Variants in LSP1 observed in about 807,000 individuals in gnomAD.
LSP1 encodes lymphocyte specific protein 1.
A neutral mutation model predicts 49.3 loss-of-function variants in LSP1; 32 were observed. The ratio of observed to expected loss-of-function variants is 0.65; its 90% CI spans 0.49 to 0.87. LSP1 has a LOEUF of 0.87. Ranked by LOEUF, LSP1 falls within the 40% of genes least tolerant of loss-of-function variation. The probability of loss-of-function intolerance (pLI) is 0.00; values close to 1 mark genes in which losing one functional copy is unlikely to be tolerated. For synonymous variants in LSP1, 179 were observed against 178.8 expected, an observed-to-expected ratio of 1.00 and a Z score of -0.01; for missense variants, 428 against 442.6, an observed-to-expected ratio of 0.97 and a Z score of 0.30.
rs201512623 is a variant in LSP1 at position 1,880,232 on chromosome 11, G to A, written c.191+8G>A. The A allele has an allele frequency of 6.3e-7, 1 of 1,582,134 alleles. No homozygotes were observed. Reference sequence around the variant, plus strand: ...GCCGAAGCAGGAGATGCTGTGAGCAGCCCCATAACGCGTGCCTGGGCTCTA... The same window carrying A: ...GCCGAAGCAGGAGATGCTGTGAGCAACCCCATAACGCGTGCCTGGGCTCTA... On this transcript the variant is annotated splice_region_variant and intron_variant, in intron 2 of 10. Transcript: ENST00000311604.
Position 1,863,959 on chromosome 11 carries a change from G to T in LSP1, c.53+10762G>T, listed in dbSNP as rs373928465. On this transcript the variant is annotated intron_variant, in intron 1 of 10. Coordinates refer to ENST00000311604, the MANE Select transcript of LSP1 (RefSeq NM_002339.3). Reference sequence around the variant, plus strand: ...CCTCCCCATTTGGGGAACAGAGAGGGTTCTTGGGGTGCCAAGCCTTCTCTG... The same window carrying T: ...CCTCCCCATTTGGGGAACAGAGAGGTTTCTTGGGGTGCCAAGCCTTCTCTG... Among the ~76,000 whole-genome samples the T allele has an allele frequency of 1.4e-4, 21 of 152,068 alleles. 1 individual carries two copies. The East Asian group carries it at 3.5e-3, about 25-fold the overall frequency.
chr11:1,870,624 G>T, intron 1 of LSP1: 1 of 1,098,608 alleles, frequency 9.1e-7, no homozygotes. Context: ...GGCTGGCTTG[G>T]TCCTTCTCTC....
Position 1,882,157 on chromosome 11 carries a change from C to T in LSP1, c.356+561C>T, listed in dbSNP as rs115649751. On this transcript the variant is annotated intron_variant, in intron 3 of 10. Coordinates refer to ENST00000311604, the MANE Select transcript of LSP1 (RefSeq NM_002339.3). ...CCTGTCTCAACCCCAACAGGCCCAA[C>T]AGGGGCTGCTCCCGAGCCCCACTTC... Among the ~76,000 whole-genome samples, 630 of 152,322 alleles carry T rather than the reference C, an allele frequency of 4.1e-3. 2 individuals are homozygous for T. The highest frequency in any genetic ancestry group is 0.014 in the African/African-American group (579 of 41,566).
At chr11:1,876,953 C>G (rs1848335755) in intron 1 of LSP1, among the ~76,000 whole-genome samples, 1 of 152,164 alleles carries the variant, frequency 6.6e-6, no homozygotes. Flanking sequence ...ATGGAGCCCC[C>G]CCACCGCCTG....
At chr11:1,882,261 C>G (rs1334222101) in intron 3 of LSP1, among the ~76,000 whole-genome samples, 2 of 152,114 alleles carry the variant, frequency 1.3e-5, no homozygotes, top group South Asian at 4.1e-4. Context: ...CCTGCAGGGC[C>G]TGGGCCATCT....
chr11:1,887,373 G>T, intron 9 of LSP1, 59 bp downstream of exon 9: 1 of 1,585,026 alleles, frequency 6.3e-7, no homozygotes, highest in Non-Finnish European at 8.7e-7. Flanking sequence ...GGGCAAAGAG[G>T]GACTGTCCTC....
chr11:1,865,537 G>A (rs1028716746), intron 1 of LSP1, among the ~76,000 whole-genome samples: 34 of 134,982 alleles, frequency 2.5e-4, no homozygotes, highest in Admixed American at 6.2e-4. Flanking sequence ...TGCTCACACC[G>A]TCCCACCCGC....
intron 1 of LSP1, chr11:1,869,513 C>A: frequency 9.9e-6 from 4 of 404,346 alleles, no homozygotes; most frequent in South Asian, 3.6e-5. Context: ...GGCTGAGGTG[C>A]GAATGGAAGC....
At chr11:1,861,252 C>T (rs1847621681) in intron 1 of LSP1, among the ~76,000 whole-genome samples, 1 of 152,198 alleles carries the variant, frequency 6.6e-6, no homozygotes, top group South Asian at 2.1e-4. Flanking sequence ...CAATCCCCTC[C>T]AGAACTCCAT....
intron 1 of LSP1, among the ~76,000 whole-genome samples, chr11:1,874,633 G>T (rs1244164980): frequency 6.6e-6 from 1 of 152,146 alleles, no homozygotes; most frequent in Non-Finnish European, 1.5e-5. Context: ...GGAGGGAGGT[G>T]GGCTGGATGA....
intron 1 of LSP1, among the ~76,000 whole-genome samples, chr11:1,872,250 A>G (rs111462021): frequency 0.089 from 1,471 of 16,560 alleles, no homozygotes; most frequent in Middle Eastern, 0.15. Context: ...TCACCCTGGC[A>G]CACGCTGGTA....
chr11:1,854,597 C>T (rs1196377222), intron 1 of LSP1, among the ~76,000 whole-genome samples: 2 of 152,162 alleles, frequency 1.3e-5, no homozygotes, highest in Non-Finnish European at 2.9e-5. Context: ...CCCCGAGTGC[C>T]GTGAGTGGAG....
At chr11:1,887,021 C>G (rs1589832756) in intron 8 of LSP1, among the ~76,000 whole-genome samples, 155 bp downstream of exon 8, 1 of 152,230 alleles carries the variant, frequency 6.6e-6, no homozygotes, top group East Asian at 1.9e-4. Flanking sequence ...TGGGTTCACC[C>G]TTGCTGGTGT....
At chr11:1,878,263 G>T (rs1010289636) in intron 1 of LSP1, among the ~76,000 whole-genome samples, 15 of 152,076 alleles carry the variant, frequency 9.9e-5, no homozygotes, top group Non-Finnish European at 1.9e-4. Flanking sequence ...AGGGGCTGGG[G>T]CGTGAGTGAG....
intron 1 of LSP1, among the ~76,000 whole-genome samples, chr11:1,877,843 C>A (rs1848376570): frequency 6.6e-6 from 1 of 151,808 alleles, no homozygotes; most frequent in African/African-American, 2.4e-5. Context: ...CTGCGCCCGG[C>A]CGCACTCCAT....
chr11:1,887,488 G>C lies in LSP1; in HGVS notation c.945G>C (p.Gly315=). The C allele has an allele frequency of 6.2e-7, 1 of 1,613,916 alleles. No individual in the cohort carries two copies. Among genetic ancestry groups the C allele is most frequent in the Non-Finnish European group, 8.5e-7 (1 of 1,179,954 alleles). Residue 315 remains glycine, a synonymous_variant, in exon 10 of 11, where the codon GGG becomes GGC. Coordinates refer to ENST00000311604, the MANE Select transcript of LSP1 (RefSeq NM_002339.3). ...TSSTIKSTPS[G]KRYKFVATGH... The stretch of plus-strand genomic sequence containing the variant: ...TTTCCCAACAGAGCACCCCATCTGG[G>C]AAGAGGTATAAGTTTGTGGCCACCG...
intron 1 of LSP1, among the ~76,000 whole-genome samples, chr11:1,854,851 G>A (rs1161497885): frequency 1.3e-5 from 2 of 152,198 alleles, no homozygotes; most frequent in Non-Finnish European, 2.9e-5. Flanking sequence ...CCTCTGGGCT[G>A]GGGCACCCCC....
chr11:1,883,863 C>T lies in LSP1; in HGVS notation c.499-69C>T, dbSNP rs374150812. On this transcript the variant is annotated intron_variant, in intron 4 of 10. Coordinates refer to ENST00000311604, the MANE Select transcript of LSP1 (RefSeq NM_002339.3). ...CAGGAAGGAACAGCATTTGTTCCCA[C>T]AGGTGCTGGGCAGGGCAGGAGGGGC... 6.6e-5 allele frequency: 92 copies of T among 1,395,498 alleles called. No homozygotes were observed. In the African/African-American group the frequency reaches 1.2e-3, roughly 19 times the overall value. The allele number at this position is 1,395,498 out of a possible 1,614,324, so 86.4% of individuals were successfully genotyped here.
At chr11:1,868,748 C>A (rs1284432031) in intron 1 of LSP1, 1 of 985,756 alleles carries the variant, frequency 1.0e-6, no homozygotes, top group East Asian at 1.1e-4. Context: ...GGTGCAGGGA[C>A]CGAGTGGCCC....
Sources: allele counts gnomAD v4.1 joint callset (sites outside exome capture counted in the v4.1 genomes callset), GRCh38; gene constraint gnomAD v4.1.1; transcripts MANE v1.5; gene names NCBI Gene and HGNC (gene_info 2026-07-23, HGNC 2026-07-21).